TMEM150C: variants seen among roughly 807,000 people sequenced by gnomAD.
TMEM150C encodes tentonin 3.
A neutral mutation model predicts 29.9 loss-of-function variants in TMEM150C; 10 were observed. The ratio of observed to expected loss-of-function variants is 0.33; its 90% CI spans 0.21 to 0.57. The LOEUF (loss-of-function observed/expected upper bound fraction) is 0.57. Among genes scored for constraint, TMEM150C ranks in the 20% least tolerant of loss-of-function variants. The probability of loss-of-function intolerance (pLI) is 0.88; values close to 1 mark genes in which losing one functional copy is unlikely to be tolerated. For synonymous variants in TMEM150C, 101 were observed against 112.5 expected, an observed-to-expected ratio of 0.90 and a Z score of 0.64; for missense variants, 251 against 303.6, an observed-to-expected ratio of 0.83 and a Z score of 1.29.
At chr4:82,518,368 G>A (rs1578137414) in intron 1 of TMEM150C, among the ~76,000 whole-genome samples, 2 of 151,766 alleles carry the variant, frequency 1.3e-5, no homozygotes, top group South Asian at 4.2e-4. Context: ...TCCGTGCCCT[G>A]GCCTCTGGCC....
intron 1 of TMEM150C, among the ~76,000 whole-genome samples, chr4:82,519,647 G>C (rs763586754): frequency 6.6e-6 from 1 of 151,910 alleles, no homozygotes; most frequent in African/African-American, 2.4e-5. Flanking sequence ...GGCTGGTCTC[G>C]AACTCCTAAC....
intron 1 of TMEM150C, among the ~76,000 whole-genome samples, chr4:82,528,371 T>G (rs1387858463): frequency 6.6e-6 from 1 of 152,188 alleles, no homozygotes; most frequent in Non-Finnish European, 1.5e-5. Context: ...ACCTGAGAAT[T>G]TGTATTGCTA....
intron 1 of TMEM150C, among the ~76,000 whole-genome samples, chr4:82,510,869 C>T (rs966432422): frequency 6.6e-6 from 1 of 152,134 alleles, no homozygotes; most frequent in Non-Finnish European, 1.5e-5. Flanking sequence ...GTTTTTTAAC[C>T]ACCTGTGAAT....
intron 1 of TMEM150C, among the ~76,000 whole-genome samples, chr4:82,540,651 T>C (rs570676403): frequency 2.0e-5 from 3 of 152,326 alleles, no homozygotes; most frequent in Admixed American, 1.3e-4. Flanking sequence ...ATAATTACTA[T>C]ATTTTTATCC....
upstream of TMEM150C, chr4:82,562,059 C>A: frequency 8.7e-7 from 1 of 1,150,306 alleles, no homozygotes; most frequent in Non-Finnish European, 1.1e-6. Context: ...CGCGCCGGGG[C>A]CCGCCCCCGA....
At position 82,499,191 on chromosome 4, in the gene TMEM150C, T is replaced by C. The variant is rs185206000; in HGVS notation, c.236-2996A>G. Among the ~76,000 whole-genome samples the C allele has an allele frequency of 5.3e-5, 8 of 152,286 alleles. No homozygotes were observed. The East Asian group carries it at 1.4e-3, about 26-fold the overall frequency. ...ATTTTCAACCAAGTAGTGATTTAAT[T>C]ATACCTTCCTGAAAAAGACTTACGG... On this transcript the variant is annotated intron_variant, in intron 5 of 7. Transcript: ENST00000449862.
At position 82,507,723 on chromosome 4, in the gene TMEM150C, CTCTCTTTTTTTTTTTTTTTTTTT is replaced by C. The variant is rs1220593529; in HGVS notation, c.-10-3079_-10-3057del. ...TATATTAAATTAACTCTCTCTCTCT[CTCTCTTTTTTTTTTTTTTTTTTT>C]TTTTTTTTTTTTTTTTTTTTGAGAC... On this transcript the variant is annotated intron_variant, in intron 1 of 7. Coordinates refer to ENST00000449862, the MANE Select transcript of TMEM150C (RefSeq NM_001080506.3). 7.7e-4 allele frequency among the ~76,000 whole-genome samples: 66 copies of C among 86,046 alleles called. 5 individuals carry two copies. The highest frequency in any genetic ancestry group is 8.4e-4 in the Non-Finnish European group (37 of 44,290). 56.4% of individuals were successfully genotyped at this position (86,046 alleles called of 152,430 possible).
chr4:82,540,406 G>A (rs563433410), intron 1 of TMEM150C, among the ~76,000 whole-genome samples: 62 of 151,856 alleles, frequency 4.1e-4, no homozygotes, highest in Non-Finnish European at 7.4e-4. Flanking sequence ...GAGCAACCGC[G>A]CCTGGCTATT....
At chr4:82,489,708 C>G (rs1402320278) in intron 7 of TMEM150C, among the ~76,000 whole-genome samples, 1 of 152,074 alleles carries the variant, frequency 6.6e-6, no homozygotes, top group Non-Finnish European at 1.5e-5. Flanking sequence ...AATAAAGTCA[C>G]AAATGCATTT....
intron 5 of TMEM150C, among the ~76,000 whole-genome samples, chr4:82,501,939 T>C (rs573424295): frequency 1.2e-4 from 19 of 152,220 alleles, no homozygotes; most frequent in Admixed American, 2.6e-4. Flanking sequence ...CAGAACACCA[T>C]TGTGGGAAGG....
At chr4:82,535,919 G>GT (rs2110085071) in intron 1 of TMEM150C, among the ~76,000 whole-genome samples, 2 of 152,224 alleles carry the variant, frequency 1.3e-5, no homozygotes, top group South Asian at 4.2e-4. Context: ...CACGTTAGAT[G>GT]TATGTAGCAC....
chr4:82,515,487 C>T (rs966173441), intron 1 of TMEM150C, among the ~76,000 whole-genome samples: 4 of 151,956 alleles, frequency 2.6e-5, no homozygotes, highest in African/African-American at 9.7e-5. Context: ...GCTTGTAATC[C>T]CAGCACTTTG....
intron 1 of TMEM150C, among the ~76,000 whole-genome samples, chr4:82,526,240 C>T (rs1359241288): frequency 2.0e-5 from 3 of 152,182 alleles, no homozygotes; most frequent in African/African-American, 7.2e-5. Context: ...TACAGAAAAA[C>T]ATTTTGGGGT....
chr4:82,548,402 T>C (rs1725454917), intron 1 of TMEM150C, among the ~76,000 whole-genome samples: 1 of 152,234 alleles, frequency 6.6e-6, no homozygotes, highest in African/African-American at 2.4e-5. Flanking sequence ...TAACATCTCA[T>C]TTATTTTTAA....
At chr4:82,523,711 TA>T (rs1458236511) in intron 1 of TMEM150C, among the ~76,000 whole-genome samples, 1 of 151,428 alleles carries the variant, frequency 6.6e-6, no homozygotes, top group East Asian at 1.9e-4. Flanking sequence ...TTTTTTTTTT[TA>T]AATAACTCAG....
intron 1 of TMEM150C, among the ~76,000 whole-genome samples, chr4:82,537,114 T>A (rs1725036992): frequency 6.6e-6 from 1 of 152,166 alleles, no homozygotes; most frequent in South Asian, 2.1e-4. Context: ...CCCGAGCAGC[T>A]GAGACTACAG....
chr4:82,542,424 C>T (rs1013009966), intron 1 of TMEM150C, among the ~76,000 whole-genome samples: 1 of 152,170 alleles, frequency 6.6e-6, no homozygotes, highest in Non-Finnish European at 1.5e-5. Flanking sequence ...GAATGCCAAT[C>T]CCTGTAGCTT....
chr4:82,492,094 G>A (rs933789792), intron 6 of TMEM150C, among the ~76,000 whole-genome samples: 2 of 138,872 alleles, frequency 1.4e-5, no homozygotes, highest in Non-Finnish European at 3.1e-5. Context: ...AGCCACCATG[G>A]TGCCTGGCCT....
At chr4:82,503,499 G>A (rs1462404580) in intron 2 of TMEM150C, among the ~76,000 whole-genome samples, 1 of 152,142 alleles carries the variant, frequency 6.6e-6, no homozygotes, top group Admixed American at 6.5e-5. Flanking sequence ...CCTAAAATAA[G>A]CAAGTGTGGG....
Sources: gnomAD v4.1 joint callset for allele counts (sites outside exome capture counted in the v4.1 genomes callset) on GRCh38, gnomAD v4.1.1 for gene constraint, MANE v1.5 for transcripts, NCBI Gene and HGNC (gene_info 2026-07-23, HGNC 2026-07-21) for gene names.